TMTC2: variants seen among roughly 807,000 people sequenced by gnomAD.
TMTC2 encodes protein O-mannosyl-transferase TMTC2.
Under a neutral mutation model 82.4 loss-of-function variants are expected in TMTC2, and 43 were observed. That is an observed-to-expected ratio of 0.52 (90% CI 0.41 to 0.67). The LOEUF is 0.67. TMTC2 is among the 30% of genes least tolerant of loss of function. The pLI, the probability that TMTC2 is intolerant of heterozygous loss-of-function variation, is 0.00. For missense variants in TMTC2, 919 were observed against 1,012.4 expected, an observed-to-expected ratio of 0.91 and a Z score of 1.25; for synonymous variants, 408 against 381.9, an observed-to-expected ratio of 1.07 and a Z score of -0.80.
rs375857937 is a variant in TMTC2 at position 82,698,184 on chromosome 12, GT to G, written c.83+10517del. Among the ~76,000 whole-genome samples, 350 of 152,306 alleles carry G rather than the reference GT, an allele frequency of 2.3e-3. 2 individuals are homozygous for G. The highest frequency in any genetic ancestry group is 8.0e-3 in the African/African-American group (334 of 41,566). On this transcript the variant is annotated intron_variant, in intron 1 of 11. Coordinates refer to ENST00000321196, the MANE Select transcript of TMTC2 (RefSeq NM_152588.3). ...TAATAAAAACCTTTTTAAGGAACTTGTTGTAAAATGAGTTATACTTTTTCCT... is the reference window on the plus strand; with the variant it reads ...TAATAAAAACCTTTTTAAGGAACTTGTGTAAAATGAGTTATACTTTTTCCT...
chr12:82,729,630 G>A (rs1433830596), intron 1 of TMTC2, among the ~76,000 whole-genome samples: 1 of 152,140 alleles, frequency 6.6e-6, no homozygotes, highest in African/African-American at 2.4e-5. Context: ...CTGTGAAAAC[G>A]GACCAATCAG....
chr12:82,696,944 C>T (rs1872818555), intron 1 of TMTC2, among the ~76,000 whole-genome samples: 1 of 137,636 alleles, frequency 7.3e-6, no homozygotes, highest in Admixed American at 7.9e-5. Flanking sequence ...TGCCAGCTCT[C>T]TTTCTACATA....
At chr12:82,827,402 G>T (rs17010020) in intron 1 of TMTC2, among the ~76,000 whole-genome samples, 3,086 of 152,168 alleles carry the variant, frequency 0.02, 111 homozygotes, top group African/African-American at 0.071. Flanking sequence ...AATTAGTAGG[G>T]GCCCAAGCTA....
rs375359017 is a variant in TMTC2, at chr12:82,704,183, G to T, written c.83+16514G>T. 2.5e-4 allele frequency among the ~76,000 whole-genome samples: 38 copies of T among 152,238 alleles called. No homozygotes were observed. The South Asian group carries it at 5.8e-3, about 23-fold the overall frequency. Reference sequence around the variant, plus strand: ...ACCACAAACTTTACAGATTTAATTAGATAGATAATGGATGATGTTAAAAAC... The same window carrying T: ...ACCACAAACTTTACAGATTTAATTATATAGATAATGGATGATGTTAAAAAC... On this transcript the variant is annotated intron_variant, in intron 1 of 11. Transcript: ENST00000321196.
intron 3 of TMTC2, among the ~76,000 whole-genome samples, chr12:82,910,314 C>T (rs879416638): frequency 5.3e-5 from 8 of 152,106 alleles, no homozygotes; most frequent in Admixed American, 3.9e-4. Flanking sequence ...CCCCTCACAG[C>T]GCGTGTGAAG....
intron 11 of TMTC2, among the ~76,000 whole-genome samples, chr12:83,085,302 C>G (rs1565882477): frequency 1.3e-5 from 2 of 152,156 alleles, no homozygotes; most frequent in Non-Finnish European, 2.9e-5. Context: ...ATAAGACTTA[C>G]CAAGCATTAC....
At chr12:82,902,467 G>C (rs192271056) in intron 3 of TMTC2, among the ~76,000 whole-genome samples, 1 of 152,320 alleles carries the variant, frequency 6.6e-6, no homozygotes, top group East Asian at 1.9e-4. Context: ...CCAGTTCACT[G>C]ATGGTTCCAA....
intron 2 of TMTC2, among the ~76,000 whole-genome samples, chr12:82,863,448 C>G (rs1182645108): frequency 2.6e-5 from 4 of 152,106 alleles, no homozygotes; most frequent in African/African-American, 9.7e-5. Flanking sequence ...ATATTCATGA[C>G]CTGTAGTACT....
chr12:83,035,552 G>A lies in TMTC2; in HGVS notation c.2152+4673G>A, dbSNP rs147979306. Among the ~76,000 whole-genome samples, 34 of 152,274 alleles carry A rather than the reference G, an allele frequency of 2.2e-4. 1 individual carries two copies. Among genetic ancestry groups the A allele is most frequent in the East Asian group, 7.7e-4 (4 of 5,184 alleles). Reference sequence around the variant, plus strand: ...CTTTTATCAAAATTTTAAGGAATGCGTAGAAAATAGGTTTCAAGCTATGGT... The same window carrying A: ...CTTTTATCAAAATTTTAAGGAATGCATAGAAAATAGGTTTCAAGCTATGGT... On this transcript the variant is annotated intron_variant, in intron 9 of 11. Coordinates refer to ENST00000321196, the MANE Select transcript of TMTC2 (RefSeq NM_152588.3).
intron 7 of TMTC2, among the ~76,000 whole-genome samples, chr12:82,985,118 G>A (rs904046822): frequency 3.3e-5 from 5 of 151,748 alleles, no homozygotes; most frequent in African/African-American, 9.7e-5. Flanking sequence ...GAGTGCAGTC[G>A]TGCGATCAGG....
chr12:82,876,142 G>GTGGTGGTGGTGGTATTAGTAA (rs1872555819), intron 2 of TMTC2, among the ~76,000 whole-genome samples: 1 of 145,790 alleles, frequency 6.9e-6, no homozygotes, highest in African/African-American at 2.5e-5. Context: ...GGTGGTGGTG[G>GTGGTGGTGGTGGTATTAGTAA]TGGTGGTGGT....
At chr12:82,967,133 A>G in intron 7 of TMTC2, 136 bp downstream of exon 7, 1 of 666,664 alleles carries the variant, frequency 1.5e-6, no homozygotes, top group East Asian at 2.9e-5. Context: ...CTGGCATCAT[A>G]CTCAAATTCT....
intron 1 of TMTC2, 71 bp downstream of exon 1, chr12:82,687,740 T>A (rs1872394011): frequency 1.4e-6 from 2 of 1,463,246 alleles, no homozygotes; most frequent in Admixed American, 2.0e-5. Flanking sequence ...AGCTTCCCTC[T>A]TTAAGGCTCA....
At chr12:82,856,958 TTC>T in intron 1 of TMTC2, 50 bp from the exon 2 acceptor site, 2 of 1,510,478 alleles carry the variant, frequency 1.3e-6, no homozygotes. Context: ...GTCATATTTT[TTC>T]TTTCTTTCTG....
At chr12:83,031,049 G>C (rs939450687) in intron 9 of TMTC2, among the ~76,000 whole-genome samples, 170 bp downstream of exon 9, 1 of 152,024 alleles carries the variant, frequency 6.6e-6, no homozygotes, top group Non-Finnish European at 1.5e-5. Flanking sequence ...CCTATTAGAC[G>C]GGCTGTGCAT....
At chr12:82,937,471 T>C (rs1028441356) in intron 4 of TMTC2, among the ~76,000 whole-genome samples, 3 of 150,304 alleles carry the variant, frequency 2.0e-5, no homozygotes, top group East Asian at 4.0e-4. Flanking sequence ...TCTGTAATGA[T>C]CCTGTTTCCA....
At chr12:82,846,594 CT>C (rs1228088334) in intron 1 of TMTC2, among the ~76,000 whole-genome samples, 1 of 151,992 alleles carries the variant, frequency 6.6e-6, no homozygotes, top group Non-Finnish European at 1.5e-5. Flanking sequence ...CATAAAATTC[CT>C]TTATTGCTTA....
intron 2 of TMTC2, among the ~76,000 whole-genome samples, chr12:82,885,827 A>C (rs180736511): frequency 6.6e-6 from 1 of 152,290 alleles, no homozygotes; most frequent in African/African-American, 2.4e-5. Flanking sequence ...CCGTAAAGTT[A>C]CTTTCTCCCC....
chr12:83,010,828 ATTATTTAT>A (rs5799608), intron 8 of TMTC2, among the ~76,000 whole-genome samples: 4 of 151,408 alleles, frequency 2.6e-5, no homozygotes, highest in African/African-American at 4.9e-5. Context: ...TTGATGTTTT[ATTATTTAT>A]TTATTTATTT....
Sources: allele counts gnomAD v4.1 joint callset (sites outside exome capture counted in the v4.1 genomes callset), GRCh38; gene constraint gnomAD v4.1.1; transcripts MANE v1.5; gene names NCBI Gene and HGNC (gene_info 2026-07-23, HGNC 2026-07-21).